The following NRXN3 variants were observed in gnomAD, a reference collection of about 807,000 sequenced individuals.
NRXN3 encodes neurexin 3, also known as neurexin III.
NRXN3 carries 32 observed loss-of-function variants against 137.6 expected under a neutral mutation model. The observed-to-expected ratio is 0.23, with a 90% CI of 0.18 to 0.31. The LOEUF is 0.31. NRXN3 is among the 10% of genes least tolerant of loss of function. NRXN3 has a pLI of 1.00. For synonymous variants in NRXN3, 798 were observed against 784.5 expected (o/e 1.02, Z -0.29); for missense variants, 1,574 against 2,062.5 (o/e 0.76, Z 4.59).
chr14:79,158,802 T>C (rs1416114787), intron 15 of NRXN3, among the ~76,000 whole-genome samples: 1 of 151,864 alleles, frequency 6.6e-6, no homozygotes, highest in African/African-American at 2.4e-5. Flanking sequence ...AATATAACCA[T>C]ACTAATGCAT....
intron 2 of NRXN3, among the ~76,000 whole-genome samples, chr14:78,250,289 G>T (rs1316678581): frequency 6.6e-6 from 1 of 152,176 alleles, no homozygotes; most frequent in Non-Finnish European, 1.5e-5. Context: ...GATTTAATGA[G>T]ATAAAACATG....
chr14:79,744,250 C>T (rs1046035153), intron 19 of NRXN3, among the ~76,000 whole-genome samples: 4 of 152,158 alleles, frequency 2.6e-5, no homozygotes, highest in Non-Finnish European at 5.9e-5. Context: ...ATGTTATGAT[C>T]AATTTCTGCC....
intron 4 of NRXN3, among the ~76,000 whole-genome samples, chr14:78,538,341 T>G (rs567336590): frequency 6.6e-4 from 101 of 152,350 alleles, no homozygotes; most frequent in Admixed American, 3.2e-3. Context: ...CCCTTGTAAG[T>G]TGGATTCCTA....
intron 19 of NRXN3, among the ~76,000 whole-genome samples, chr14:79,701,678 GCTATTAGT>G (rs1481800016): frequency 6.6e-6 from 1 of 152,022 alleles, no homozygotes; most frequent in East Asian, 1.9e-4. Flanking sequence ...TGTACAATAT[GCTATTAGT>G]CTAAACAGTC....
chr14:78,564,739 C>T (rs188062323), intron 4 of NRXN3, among the ~76,000 whole-genome samples: 10 of 152,212 alleles, frequency 6.6e-5, no homozygotes, highest in East Asian at 3.9e-4. Context: ...TCTTCACGGC[C>T]GCCATGGTAG....
intron 15 of NRXN3, among the ~76,000 whole-genome samples, chr14:79,418,402 G>T (rs1297457101): frequency 1.3e-5 from 2 of 152,120 alleles, no homozygotes; most frequent in African/African-American, 4.8e-5. Context: ...GTCAGATTTG[G>T]TTTCATTTTA....
chr14:79,135,757 G>A (rs201066375), intron 15 of NRXN3, among the ~76,000 whole-genome samples: 4 of 152,138 alleles, frequency 2.6e-5, no homozygotes, highest in African/African-American at 9.7e-5. Flanking sequence ...GCTAATTATT[G>A]GGCAGGCACT....
At chr14:78,825,907 A>T (rs74065226) in intron 10 of NRXN3, among the ~76,000 whole-genome samples, 1 of 152,206 alleles carries the variant, frequency 6.6e-6, no homozygotes, top group Non-Finnish European at 1.5e-5. Context: ...CCAAAGTCAC[A>T]GGGATTGACT....
intron 16 of NRXN3, among the ~76,000 whole-genome samples, chr14:79,657,532 C>T (rs977375716): frequency 2.0e-5 from 3 of 152,070 alleles, no homozygotes; most frequent in Non-Finnish European, 4.4e-5. Flanking sequence ...CTTGAAATAC[C>T]TTAATAATGA....
At position 78,533,099 on chromosome 14, in the gene NRXN3, C is replaced by CTT. The variant is rs71452898; in HGVS notation, c.758-112004_758-112003dup. Among the ~76,000 whole-genome samples, 819 of 120,036 alleles carry CTT rather than the reference C, an allele frequency of 6.8e-3. 18 individuals carry two copies. The highest frequency in any genetic ancestry group is 9.7e-3 in the Non-Finnish European group (573 of 58,882). The allele number at this position is 120,036 out of a possible 152,430, so 78.7% of individuals were successfully genotyped here. On this transcript the variant is annotated intron_variant, in intron 4 of 20. Coordinates refer to ENST00000335750, the MANE Select transcript of NRXN3 (RefSeq NM_001330195.2). ...ATATCTCTCTCTCTCTCCCTCCAGCCTTTTTTTTTTTTTTTTTTGAGATGG... is the reference window on the plus strand; with the variant it reads ...ATATCTCTCTCTCTCTCCCTCCAGCCTTTTTTTTTTTTTTTTTTTTGAGATGG...
intron 15 of NRXN3, among the ~76,000 whole-genome samples, chr14:79,271,363 TCTCCC>T (rs2079270024): frequency 8.3e-6 from 1 of 120,492 alleles, no homozygotes; most frequent in Non-Finnish European, 1.7e-5. Context: ...TCCCCCTCCC[TCTCCC>T]CTCCCCTCCC....
At chr14:79,020,892 C>CACACAG (rs2099588512) in intron 15 of NRXN3, among the ~76,000 whole-genome samples, 1 of 151,710 alleles carries the variant, frequency 6.6e-6, no homozygotes, top group Non-Finnish European at 1.5e-5. Flanking sequence ...CACACACACA[C>CACACAG]ACACCACTCT....
chr14:78,282,312 G>A, intron 3 of NRXN3: 3 of 387,194 alleles, frequency 7.7e-6, no homozygotes, highest in Non-Finnish European at 1.6e-5. Context: ...AGAGGGAAGA[G>A]TAGTGGGTTA....
rs1267406184 is a variant in NRXN3 at position 78,592,860 on chromosome 14, G to A, written c.758-52260G>A. ...TCCCTCTGTCCAGGGAGGGGCTGAG[G>A]AAGTCACAACAGTTAATCTGTAGTA... On this transcript the variant is annotated intron_variant, in intron 4 of 20. Coordinates refer to ENST00000335750, the MANE Select transcript of NRXN3 (RefSeq NM_001330195.2). 2.6e-5 allele frequency among the ~76,000 whole-genome samples: 4 copies of A among 152,326 alleles called. No individual in the cohort carries two copies. The East Asian group carries it at 5.8e-4, about 22-fold the overall frequency.
chr14:78,436,610 T>C (rs932914367), intron 4 of NRXN3, among the ~76,000 whole-genome samples: 1 of 152,268 alleles, frequency 6.6e-6, no homozygotes, highest in Non-Finnish European at 1.5e-5. Context: ...ACATGTGCTA[T>C]TGAGCACTTG....
At chr14:78,242,210 T>C (rs1567054241) in intron 1 of NRXN3, among the ~76,000 whole-genome samples, 181 bp from the exon 2 acceptor site, 1 of 152,228 alleles carries the variant, frequency 6.6e-6, no homozygotes, top group Non-Finnish European at 1.5e-5. Flanking sequence ...CTGGTCGTCT[T>C]GTAGTGGCTC....
intron 16 of NRXN3, among the ~76,000 whole-genome samples, chr14:79,519,359 A>C (rs2097033683): frequency 6.6e-6 from 1 of 152,052 alleles, no homozygotes; most frequent in South Asian, 2.1e-4. Context: ...TTGTAACAGA[A>C]ACTTTAAATA....
chr14:78,751,867 G>T (rs1283615478), intron 8 of NRXN3, among the ~76,000 whole-genome samples: 1 of 152,138 alleles, frequency 6.6e-6, no homozygotes, highest in Non-Finnish European at 1.5e-5. Context: ...ATTGCATTTT[G>T]TAGTTTAATA....
intron 8 of NRXN3, among the ~76,000 whole-genome samples, chr14:78,730,139 G>A (rs80237833): frequency 2.2e-3 from 336 of 152,200 alleles, no homozygotes; most frequent in African/African-American, 5.9e-3. Context: ...GCTATAGAGC[G>A]GCAAGATTCA....
Sources: gnomAD v4.1 joint callset for allele counts (sites outside exome capture counted in the v4.1 genomes callset) on GRCh38, gnomAD v4.1.1 for gene constraint, MANE v1.5 for transcripts, NCBI Gene and HGNC (gene_info 2026-07-23, HGNC 2026-07-21) for gene names.